Variants in RBFOX1 observed in about 807,000 individuals in gnomAD.
RBFOX1 encodes RNA binding fox-1 homolog 1, also known as RNA binding protein fox-1 homolog 1.
In RBFOX1, 8 loss-of-function variants were observed where a neutral mutation model predicts 57.7. The observed-to-expected ratio is 0.14, with a 90% confidence interval of 0.08 to 0.25. RBFOX1 has a LOEUF of 0.25. RBFOX1 is among the 10% of genes least tolerant of loss of function. The probability of loss-of-function intolerance (pLI) is 1.00; values close to 1 mark genes in which losing one functional copy is unlikely to be tolerated. For missense variants in RBFOX1, 611 were observed against 548.5 expected (o/e 1.11, Z -1.14); for synonymous variants, 326 against 222.4 (o/e 1.47, Z -4.15).
intron 4 of RBFOX1, among the ~76,000 whole-genome samples, chr16:7,301,728 T>A (rs144342214): frequency 6.6e-6 from 1 of 152,302 alleles, no homozygotes; most frequent in African/African-American, 2.4e-5. Context: ...TTACAGGCTT[T>A]TCTAATGCCA....
chr16:7,652,349 T>A, intron 11 of RBFOX1, among the ~76,000 whole-genome samples: 1 of 152,070 alleles, frequency 6.6e-6, no homozygotes, highest in Non-Finnish European at 1.5e-5. Context: ...CCTTCCTAAC[T>A]CCTCCTCACC....
At chr16:6,108,783 C>G (rs955055450) in intron 1 of RBFOX1, among the ~76,000 whole-genome samples, 1 of 152,132 alleles carries the variant, frequency 6.6e-6, no homozygotes, top group Non-Finnish European at 1.5e-5. Context: ...GGCCACATCC[C>G]TGACTCCTTC....
intron 2 of RBFOX1, chr16:6,573,873 C>G (rs1270742257): frequency 6.6e-6 from 1 of 152,242 alleles, no homozygotes; most frequent in Non-Finnish European, 1.5e-5. Context: ...GTCCTGTTTT[C>G]CAGCCTGGAC....
intron 4 of RBFOX1, among the ~76,000 whole-genome samples, chr16:7,120,520 A>G (rs938642004): frequency 1.2e-3 from 188 of 152,094 alleles, no homozygotes; most frequent in Non-Finnish European, 4.7e-4. Flanking sequence ...ATGCACATGT[A>G]GTCAACAACT....
chr16:7,657,213 A>C (rs1004246121), intron 12 of RBFOX1, among the ~76,000 whole-genome samples: 3 of 152,174 alleles, frequency 2.0e-5, no homozygotes, highest in Admixed American at 2.0e-4. Flanking sequence ...GGCTACCTTT[A>C]TGGAAGCTTG....
At chr16:7,623,316 T>C (rs1262773995) in intron 10 of RBFOX1, among the ~76,000 whole-genome samples, 3 of 152,184 alleles carry the variant, frequency 2.0e-5, no homozygotes, top group Non-Finnish European at 2.9e-5. Context: ...ATTTCTATTA[T>C]TATTACATTG....
chr16:5,290,369 T>C (rs1358802091), intron 1 of RBFOX1, among the ~76,000 whole-genome samples: 3 of 152,138 alleles, frequency 2.0e-5, no homozygotes, highest in South Asian at 2.1e-4. Context: ...AAAAGTAGAT[T>C]GTCAGGGCTT....
chr16:6,866,112 C>A (rs551186662), intron 3 of RBFOX1, among the ~76,000 whole-genome samples: 37 of 152,188 alleles, frequency 2.4e-4, no homozygotes, highest in African/African-American at 8.4e-4. Context: ...ATTCCCCTCT[C>A]CTTTTCTTTC....
chr16:7,197,421 G>A (rs1315562174), intron 4 of RBFOX1, among the ~76,000 whole-genome samples: 1 of 133,164 alleles, frequency 7.5e-6, no homozygotes, highest in Non-Finnish European at 1.5e-5. Context: ...TGGGGAGAGA[G>A]CCTAAAAACC....
intron 3 of RBFOX1, among the ~76,000 whole-genome samples, chr16:6,994,124 G>A (rs1052835105): frequency 6.6e-6 from 1 of 152,096 alleles, no homozygotes; most frequent in Non-Finnish European, 1.5e-5. Flanking sequence ...CGTGATGAGG[G>A]GAGTTTGGGA....
At chr16:6,146,004 G>A (rs975457269) in intron 1 of RBFOX1, among the ~76,000 whole-genome samples, 2 of 152,236 alleles carry the variant, frequency 1.3e-5, no homozygotes, top group Non-Finnish European at 2.9e-5. Flanking sequence ...CAAGGTAGCA[G>A]TGTGGAGGTT....
intron 3 of RBFOX1, among the ~76,000 whole-genome samples, chr16:5,646,760 A>G (rs898238205): frequency 1.3e-5 from 2 of 152,078 alleles, no homozygotes; most frequent in African/African-American, 4.8e-5. Flanking sequence ...TTAGCCTCCC[A>G]AGTAGCTGGG....
chr16:6,818,017 C>G (rs1238261493), intron 3 of RBFOX1, among the ~76,000 whole-genome samples: 1 of 152,118 alleles, frequency 6.6e-6, no homozygotes, highest in African/African-American at 2.4e-5. Context: ...GGGTTAGTGG[C>G]TAAACTTTTT....
chr16:5,958,988 C>T (rs748679775), intron 4 of RBFOX1, among the ~76,000 whole-genome samples: 1 of 152,140 alleles, frequency 6.6e-6, no homozygotes, highest in Admixed American at 6.5e-5. Context: ...GACATATTTG[C>T]AAGTTCCAGG....
intron 3 of RBFOX1, among the ~76,000 whole-genome samples, chr16:5,695,529 A>G (rs2050819688): frequency 6.6e-6 from 1 of 152,220 alleles, no homozygotes; most frequent in South Asian, 2.1e-4. Context: ...TGATAGATGG[A>G]TGGGATGATG....
At chr16:6,689,296 C>T (rs1194791681) in intron 3 of RBFOX1, among the ~76,000 whole-genome samples, 1 of 152,090 alleles carries the variant, frequency 6.6e-6, no homozygotes, top group East Asian at 1.9e-4. Context: ...TTATAATTCA[C>T]ATGAAGTGAT....
At chr16:6,152,974 C>T (rs982767510) in intron 1 of RBFOX1, among the ~76,000 whole-genome samples, 18 of 151,384 alleles carry the variant, frequency 1.2e-4, no homozygotes, top group African/African-American at 4.4e-4. Context: ...TGGATCTAGG[C>T]CTTTTTCCTG....
At chr16:5,583,662 G>C (rs1335565402) in intron 2 of RBFOX1, among the ~76,000 whole-genome samples, 2 of 152,176 alleles carry the variant, frequency 1.3e-5, no homozygotes, top group Non-Finnish European at 2.9e-5. Flanking sequence ...CTGGGCTTCA[G>C]TTTCCTCTCT....
At chr16:6,078,309 C>G (rs933796646) in intron 1 of RBFOX1, among the ~76,000 whole-genome samples, 11 of 152,180 alleles carry the variant, frequency 7.2e-5, no homozygotes, top group Admixed American at 7.2e-4. Flanking sequence ...GCTTCTCCAG[C>G]CCATGTCCCC....
Sources: gnomAD v4.1 joint callset for allele counts (sites outside exome capture counted in the v4.1 genomes callset) on GRCh38, gnomAD v4.1.1 for gene constraint, MANE v1.5 for transcripts, NCBI Gene and HGNC (gene_info 2026-07-23, HGNC 2026-07-21) for gene names.